The following SCHIP1 variants were observed in gnomAD, a reference collection of about 807,000 sequenced individuals.
SCHIP1 encodes the protein schwannomin-interacting protein 1.
Under a neutral mutation model 29.7 loss-of-function variants are expected in SCHIP1, and 8 were observed. The observed-to-expected ratio is 0.27, with a 90% confidence interval of 0.16 to 0.49. The LOEUF is 0.49. Among genes scored for constraint, SCHIP1 ranks in the 20% least tolerant of loss-of-function variants. The probability of loss-of-function intolerance (pLI) is 0.99; values close to 1 mark genes in which losing one functional copy is unlikely to be tolerated. For missense variants in SCHIP1, 193 were observed against 294.6 expected (o/e 0.66, Z 2.52); for synonymous variants, 76 against 94.9 (o/e 0.80, Z 1.16).
the SCHIP1 span, among the ~76,000 whole-genome samples, chr3:159,828,365 A>ATATATATACG: frequency 8.2e-6 from 1 of 121,514 alleles, no homozygotes; most frequent in African/African-American, 3.6e-5. Flanking sequence ...TAACCTTTAT[A>ATATATATACG]TATATATATA....
chr3:159,680,012 C>A, the SCHIP1 span, among the ~76,000 whole-genome samples: 2 of 152,000 alleles, frequency 1.3e-5, no homozygotes, highest in African/African-American at 4.8e-5. Context: ...TATTGCTAAG[C>A]TCCCTGCTGT....
At chr3:159,606,850 T>C in the SCHIP1 span, among the ~76,000 whole-genome samples, 1 of 152,328 alleles carries the variant, frequency 6.6e-6, no homozygotes, top group African/African-American at 2.4e-5. Context: ...TGAATCCAAC[T>C]GGAAGCCAGG....
the SCHIP1 span, among the ~76,000 whole-genome samples, chr3:159,362,168 G>A: frequency 1.3e-5 from 2 of 152,140 alleles, no homozygotes; most frequent in Non-Finnish European, 2.9e-5. Flanking sequence ...GTAAATGCAG[G>A]AAAAAATCCA....
chr3:159,877,202 T>G (rs1335125986), intron 2 of SCHIP1, among the ~76,000 whole-genome samples: 3 of 151,960 alleles, frequency 2.0e-5, no homozygotes, highest in Non-Finnish European at 4.4e-5. Context: ...ATACAAAAAT[T>G]AGCCAGGAGT....
chr3:159,691,739 A>G, the SCHIP1 span, among the ~76,000 whole-genome samples: 29 of 152,104 alleles, frequency 1.9e-4, no homozygotes, highest in Non-Finnish European at 1.2e-4. Context: ...GACTAGTACC[A>G]GTTTTTCCTT....
At chr3:159,531,687 C>T in the SCHIP1 span, among the ~76,000 whole-genome samples, 4 of 152,160 alleles carry the variant, frequency 2.6e-5, no homozygotes, top group African/African-American at 7.2e-5. Flanking sequence ...GTTTACCAAA[C>T]AGTATTATCC....
At chr3:159,375,510 G>A in the SCHIP1 span, among the ~76,000 whole-genome samples, 2 of 152,196 alleles carry the variant, frequency 1.3e-5, no homozygotes, top group African/African-American at 2.4e-5. Flanking sequence ...GCCGAGGCAG[G>A]TGGATCACGA....
chr3:159,433,125 G>A, the SCHIP1 span, among the ~76,000 whole-genome samples: 1 of 152,174 alleles, frequency 6.6e-6, no homozygotes, highest in Non-Finnish European at 1.5e-5. Context: ...GTGTATGCAA[G>A]GGTAAGCACA....
At chr3:159,642,192 A>G in the SCHIP1 span, among the ~76,000 whole-genome samples, 2 of 152,170 alleles carry the variant, frequency 1.3e-5, no homozygotes, top group Admixed American at 1.3e-4. Flanking sequence ...AGCCCTCAAT[A>G]TACTGTAAAG....
At chr3:159,744,227 G>T in the SCHIP1 span, among the ~76,000 whole-genome samples, 1 of 152,160 alleles carries the variant, frequency 6.6e-6, no homozygotes, top group South Asian at 2.1e-4. Flanking sequence ...TTTATATTTT[G>T]CTTTGTATGT....
At chr3:159,367,901 G>C in the SCHIP1 span, among the ~76,000 whole-genome samples, 1 of 152,072 alleles carries the variant, frequency 6.6e-6, no homozygotes, top group African/African-American at 2.4e-5. Context: ...CCATGCTTTG[G>C]TAACTCAGAA....
chr3:159,870,488 A>G (rs947245260), intron 2 of SCHIP1, among the ~76,000 whole-genome samples: 4 of 151,986 alleles, frequency 2.6e-5, no homozygotes, highest in African/African-American at 7.2e-5. Context: ...GAAAAAGTAC[A>G]ATTTCACTCT....
At chr3:159,828,173 A>G in the SCHIP1 span, among the ~76,000 whole-genome samples, 4 of 151,428 alleles carry the variant, frequency 2.6e-5, no homozygotes, top group Non-Finnish European at 4.4e-5. Flanking sequence ...TTTATAACTC[A>G]ATTCATATTG....
At chr3:159,873,933 A>G (rs1210584678) in intron 2 of SCHIP1, among the ~76,000 whole-genome samples, 2 of 152,210 alleles carry the variant, frequency 1.3e-5, no homozygotes, top group African/African-American at 4.8e-5. Context: ...GGCCAAACTA[A>G]TTATCAGTTA....
At chr3:159,347,031 C>A in the SCHIP1 span, among the ~76,000 whole-genome samples, 1 of 151,706 alleles carries the variant, frequency 6.6e-6, no homozygotes, top group Admixed American at 6.6e-5. Flanking sequence ...ATTTTTTTTC[C>A]GCAGCTTCAC....
the SCHIP1 span, among the ~76,000 whole-genome samples, chr3:159,690,249 A>G: frequency 6.6e-6 from 1 of 152,154 alleles, no homozygotes; most frequent in African/African-American, 2.4e-5. Context: ...TTGGTACGCT[A>G]TTAATTACTG....
At chr3:159,281,786 C>T in the SCHIP1 span, among the ~76,000 whole-genome samples, 2 of 151,960 alleles carry the variant, frequency 1.3e-5, no homozygotes, top group Middle Eastern at 3.4e-3. Flanking sequence ...ATTCATTTAT[C>T]GTTGTAATGT....
At chr3:159,558,068 G>C in the SCHIP1 span, among the ~76,000 whole-genome samples, 1 of 152,170 alleles carries the variant, frequency 6.6e-6, no homozygotes, top group Non-Finnish European at 1.5e-5. Context: ...CTCATTGTAA[G>C]CTCTGAATCT....
the SCHIP1 span, among the ~76,000 whole-genome samples, chr3:159,659,315 C>G: frequency 1.3e-5 from 2 of 152,300 alleles, no homozygotes; most frequent in African/African-American, 4.8e-5. Context: ...GGACAGAGAC[C>G]ATGTCTGCTG....
Sources: allele counts gnomAD v4.1 joint callset (sites outside exome capture counted in the v4.1 genomes callset), GRCh38; gene constraint gnomAD v4.1.1; transcripts MANE v1.5; gene names NCBI Gene and HGNC (gene_info 2026-07-23, HGNC 2026-07-21).